UBLCP1: variants seen among roughly 807,000 people sequenced by gnomAD.
UBLCP1 encodes the protein ubiquitin like domain containing CTD phosphatase 1.
In UBLCP1, 28 loss-of-function variants were observed where a neutral mutation model predicts 42.4. The observed-to-expected ratio is 0.66, with a 90% CI of 0.49 to 0.90. The LOEUF (loss-of-function observed/expected upper bound fraction) is 0.90, where lower values mean the gene tolerates loss of function less well. Ranked by LOEUF, UBLCP1 falls within the 40% of genes least tolerant of loss-of-function variation. The probability of loss-of-function intolerance (pLI) is 0.00; values close to 1 mark genes in which losing one functional copy is unlikely to be tolerated. For missense variants in UBLCP1, 279 were observed against 374.5 expected, an observed-to-expected ratio of 0.75 and a Z score of 2.10; for synonymous variants, 122 against 120.8, an observed-to-expected ratio of 1.01 and a Z score of -0.07.
intron 1 of UBLCP1, among the ~76,000 whole-genome samples, chr5:159,268,602 A>G (rs1392089908): frequency 6.6e-6 from 1 of 152,196 alleles, no homozygotes; most frequent in Non-Finnish European, 1.5e-5. Flanking sequence ...AACAGGAGGA[A>G]TGGTAGCTCA....
intron 9 of UBLCP1, among the ~76,000 whole-genome samples, chr5:159,279,569 T>C (rs1753581985): frequency 6.6e-6 from 1 of 152,230 alleles, no homozygotes; most frequent in African/African-American, 2.4e-5. Context: ...AGTACATTTT[T>C]TAAACCTTTC....
intron 5 of UBLCP1, among the ~76,000 whole-genome samples, chr5:159,270,970 A>T (rs1753458664): frequency 6.6e-6 from 1 of 151,196 alleles, no homozygotes; most frequent in South Asian, 2.1e-4. Context: ...TGATATATAT[A>T]TATGTGTGTG....
Position 159,277,700 on chromosome 5 carries a change from C to T in UBLCP1, c.685-538C>T, listed in dbSNP as rs545103302. On this transcript the variant is annotated intron_variant, in intron 8 of 10. Coordinates refer to ENST00000296786, the MANE Select transcript of UBLCP1 (RefSeq NM_145049.5). Reference sequence around the variant, plus strand: ...AAGAATTTGTAAAATATGGTGCTTCCGAAGTTAAGCAATCAAATTCCCTAG... The same window carrying T: ...AAGAATTTGTAAAATATGGTGCTTCTGAAGTTAAGCAATCAAATTCCCTAG... Among the ~76,000 whole-genome samples the T allele has an allele frequency of 1.5e-3, 232 of 152,130 alleles. 1 individual carries two copies. The highest frequency in any genetic ancestry group is 5.1e-3 in the African/African-American group (210 of 41,502).
At chr5:159,284,343 T>C (rs1379989761) in intron 10 of UBLCP1, among the ~76,000 whole-genome samples, 1 of 152,196 alleles carries the variant, frequency 6.6e-6, no homozygotes, top group African/African-American at 2.4e-5. Flanking sequence ...GAAATAGAGA[T>C]CAAGTTTTTA....
intron 7 of UBLCP1, 74 bp downstream of exon 7, chr5:159,274,696 A>G: frequency 1.5e-6 from 2 of 1,368,972 alleles, no homozygotes; most frequent in Non-Finnish European, 2.1e-6. Flanking sequence ...CTAGAACTGA[A>G]TTAATTTTAT....
At chr5:159,273,705 A>G (rs1265816600) in intron 6 of UBLCP1, among the ~76,000 whole-genome samples, 3 of 152,114 alleles carry the variant, frequency 2.0e-5, no homozygotes, top group African/African-American at 7.2e-5. Context: ...TGGAGATACA[A>G]TAGTCTTTAA....
chr5:159,275,655 G>C (rs1384994286), intron 8 of UBLCP1, among the ~76,000 whole-genome samples: 1 of 152,004 alleles, frequency 6.6e-6, no homozygotes, highest in Non-Finnish European at 1.5e-5. Flanking sequence ...CTCGTGATCC[G>C]CCTGCCTCGG....
At position 159,270,596 on chromosome 5, in the gene UBLCP1, G is replaced by T; in HGVS notation, c.401G>T (p.Arg134Met). The T allele has an allele frequency of 2.5e-6, 4 of 1,609,732 alleles. No individual in the cohort carries two copies. The highest frequency in any genetic ancestry group is 3.4e-6 in the Non-Finnish European group (4 of 1,178,762). ...AAAGTGGAAATTTTGAATCCTCCCAGGGAAGGGAAAAAGCTTTTGGTGCTA... is the reference window on the plus strand; with the variant it reads ...AAAGTGGAAATTTTGAATCCTCCCATGGAAGGGAAAAAGCTTTTGGTGCTA... Reference protein sequence around the residue: ...EYKVEILNPPREGKKLLVLDV... With the variant: ...EYKVEILNPPMEGKKLLVLDV... Residue 134 changes from arginine to methionine, a missense_variant, in exon 5 of 11, where the codon AGG (arginine) becomes ATG (methionine). By Grantham distance (91) the Arg-to-Met change is moderately conservative (BLOSUM62 -1). Transcript: ENST00000296786.
chr5:159,271,966 T>C, intron 5 of UBLCP1, 57 bp from the exon 6 acceptor site: 2 of 1,177,552 alleles, frequency 1.7e-6, no homozygotes, highest in South Asian at 1.2e-5. Flanking sequence ...ATAATTGGTA[T>C]TAGGTACTTG....
chr5:159,265,102 A>G (rs956265811), intron 1 of UBLCP1, among the ~76,000 whole-genome samples: 1 of 152,258 alleles, frequency 6.6e-6, no homozygotes, highest in Admixed American at 6.5e-5. Context: ...CATTTTCAGT[A>G]GAACACATTG....
intron 5 of UBLCP1, 108 bp downstream of exon 5, chr5:159,270,751 T>A: frequency 1.5e-6 from 1 of 670,076 alleles, no homozygotes; most frequent in Non-Finnish European, 2.3e-6. Context: ...GTGAAATACT[T>A]GAAAACTTTT....
In UBLCP1 at chr5:159,278,257, T is replaced by C; in HGVS notation, c.704T>C (p.Ile235Thr). The C allele has an allele frequency of 1.2e-6, 2 of 1,613,234 alleles. No individual in the cohort carries two copies. The highest frequency in any genetic ancestry group is 8.5e-7 in the Non-Finnish European group (1 of 1,179,252). The stretch of plus-strand genomic sequence containing the variant: ...TCTAAGGTAAAGCCTCTTGGTGTTA[T>C]ATGGGGAAAGTTTTCGGAGTTTTAC... ...GLIDVKPLGVIWGKFSEFYSK... is the reference protein window; with the variant it reads ...GLIDVKPLGVTWGKFSEFYSK... The change falls in exon 9 of 11, where the codon ATA (isoleucine) becomes ACA (threonine). Residue 235 changes from isoleucine (I) to threonine (T), a missense_variant. Ile to Thr is a moderately conservative substitution (Grantham distance 89). Coordinates refer to ENST00000296786, the MANE Select transcript of UBLCP1 (RefSeq NM_145049.5).
rs1040447691 is a variant in UBLCP1 at position 159,263,315 on chromosome 5, G to C, written c.-92G>C. 5.9e-5 allele frequency: 9 copies of C among 152,384 alleles called. No individual in the cohort carries two copies. Among genetic ancestry groups the C allele is most frequent in the Admixed American group, 1.3e-4 (2 of 15,286 alleles). 9.4% of individuals were successfully genotyped at this position (152,384 alleles called of 1,614,324 possible). On this transcript the variant is annotated 5_prime_UTR_variant, in exon 1 of 11. Coordinates refer to ENST00000296786, the MANE Select transcript of UBLCP1 (RefSeq NM_145049.5). ...ACTTCCGGTCGCTTTCGGTCTCTCAGCGGCCGGTTTCTGCGTCCGCTGCCG... is the reference window on the plus strand; with the variant it reads ...ACTTCCGGTCGCTTTCGGTCTCTCACCGGCCGGTTTCTGCGTCCGCTGCCG...
intron 1 of UBLCP1, among the ~76,000 whole-genome samples, chr5:159,264,730 T>G (rs762136724): frequency 5.3e-5 from 8 of 152,196 alleles, no homozygotes; most frequent in Non-Finnish European, 1.2e-4. Flanking sequence ...CCTAGGTCCC[T>G]TCTCTCCACC....
At chr5:159,266,951 G>A (rs1390858170) in intron 1 of UBLCP1, among the ~76,000 whole-genome samples, 1 of 152,222 alleles carries the variant, frequency 6.6e-6, no homozygotes, top group Non-Finnish European at 1.5e-5. Context: ...TTGCTGCAGG[G>A]GTGGGGCCCT....
chr5:159,273,967 GATTTA>G (rs1753503902), intron 6 of UBLCP1, among the ~76,000 whole-genome samples: 1 of 152,004 alleles, frequency 6.6e-6, no homozygotes, highest in African/African-American at 2.4e-5. Context: ...TAAAGATGAG[GATTTA>G]ATTTTAGTAT....
intron 6 of UBLCP1, 61 bp downstream of exon 6, chr5:159,272,182 C>A: frequency 7.3e-7 from 1 of 1,362,926 alleles, no homozygotes; most frequent in Non-Finnish European, 1.0e-6. Flanking sequence ...TATTATTGTG[C>A]TGTATAAAAT....
rs1039457376 is a variant in UBLCP1 at position 159,272,064 on chromosome 5, C to A, written c.490C>A (p.Pro164Thr). 4 of 1,613,220 alleles carry A rather than the reference C, an allele frequency of 2.5e-6. No homozygotes were observed. In the Admixed American group the frequency reaches 5.0e-5, roughly 20 times the overall value. ...AGAGACTGGGGTAGAATTAATGCGGCCATATCTTCATGAATTTCTAACATC... is the reference window on the plus strand; with the variant it reads ...AGAGACTGGGGTAGAATTAATGCGGACATATCTTCATGAATTTCTAACATC... The part of the protein sequence containing the change: ...CAETGVELMR[P>T]YLHEFLTSAY... The change falls in exon 6 of 11, where the codon CCA (proline) becomes ACA (threonine). Residue 164 changes from proline (P) to threonine (T), a missense_variant. Pro to Thr is a conservative substitution (Grantham distance 38, BLOSUM62 -1). Transcript: ENST00000296786.
intron 5 of UBLCP1, 35 bp downstream of exon 5, chr5:159,270,678 A>G: frequency 7.7e-7 from 1 of 1,294,312 alleles, no homozygotes; most frequent in East Asian, 2.5e-5. Context: ...ATTTTCTGTT[A>G]CCCACAACAA....
Sources: allele counts gnomAD v4.1 joint callset (sites outside exome capture counted in the v4.1 genomes callset), GRCh38; gene constraint gnomAD v4.1.1; transcripts MANE v1.5; gene names NCBI Gene and HGNC (gene_info 2026-07-23, HGNC 2026-07-21).